The following FBRS variants were observed in gnomAD, a reference collection of about 807,000 sequenced individuals.
FBRS encodes probable fibrosin-1.
In FBRS, 15 loss-of-function variants were observed where a neutral mutation model predicts 86.1. That is an observed-to-expected ratio of 0.17 (90% CI 0.12 to 0.27). FBRS has a LOEUF of 0.27. Ranked by LOEUF, FBRS falls within the 10% of genes least tolerant of loss-of-function variation. The pLI is 1.00. For synonymous variants in FBRS, 666 were observed against 575.8 expected, an observed-to-expected ratio of 1.16 and a Z score of -2.24; for missense variants, 1,367 against 1,301.6, an observed-to-expected ratio of 1.05 and a Z score of -0.77.
intron 11 of FBRS, chr16:30,666,135 C>G (rs943393968): frequency 7.1e-6 from 3 of 422,734 alleles, no homozygotes; most frequent in African/African-American, 6.1e-5. Flanking sequence ...GGACCAGTTT[C>G]CTACAGGGAA....
chr16:30,666,211 G>T (rs751833899), intron 11 of FBRS: 7 of 564,144 alleles, frequency 1.2e-5, no homozygotes, highest in East Asian at 5.9e-5. Context: ...TAAACAGACC[G>T]CTATACTCTA....
rs771062195 is a variant in FBRS at position 30,665,694 on chromosome 16, G to C, written c.1761G>C (p.Gln587His). The change falls in exon 11 of 18, where the codon CAG becomes CAC. Residue 587 changes from glutamine (Q) to histidine (H), a missense_variant. Gln to His is a conservative substitution (Grantham distance 24). Transcript: ENST00000356166. This position sits in a 1 kb window ranked among gnomAD's most constrained non-coding sequence, Gnocchi z 4.1. ...GGCCGGTGCCGAGCGGGCTCTCCCA[G>C]AAGGGGACACAGGTGAGGGGGCCAG... ...RLGPVPSGLS[Q>H]KGTQIPDHFR... 2.8e-5 allele frequency: 45 copies of C among 1,584,472 alleles called. 1 individual carries two copies. The South Asian group carries it at 4.9e-4, about 17-fold the overall frequency.
chr16:30,662,339 C>T, intron 4 of FBRS, 81 bp from the exon 5 acceptor site: 5 of 1,542,826 alleles, frequency 3.2e-6, no homozygotes, highest in East Asian at 2.4e-5. Context: ...TTCCTAGCAG[C>T]CTCCAGAGGC....
chr16:30,662,539 T>C lies in FBRS; in HGVS notation c.755-20T>C. On this transcript the variant is annotated intron_variant, in intron 5 of 17. Coordinates refer to ENST00000356166, the MANE Select transcript of FBRS (RefSeq NM_001105079.3). ...TGAGCATGAGCCTCAACTGAGCATG[T>C]CTGCCATCCTGCCCCACAGCCTCGG... 1 of 1,548,564 alleles carries C rather than the reference T, an allele frequency of 6.5e-7. No individual in the cohort carries two copies. The highest frequency in any genetic ancestry group is 8.7e-7 in the Non-Finnish European group (1 of 1,145,514).
At position 30,669,168 on chromosome 16, in the gene FBRS, G is replaced by C; in HGVS notation, c.2466G>C (p.Arg822=). 1.3e-6 allele frequency: 2 copies of C among 1,555,892 alleles called. No individual in the cohort carries two copies. The highest frequency in any genetic ancestry group is 8.7e-7 in the Non-Finnish European group (1 of 1,150,534). Residue 822 remains arginine (R), a synonymous_variant, in exon 18 of 18, where the codon CGG becomes CGC. Transcript: ENST00000356166. The surrounding 1 kb of genome is among the most constrained non-coding windows in gnomAD (Gnocchi z 5.9). ...EGPRPTKESV[R]VKEERKEEAA... The stretch of plus-strand genomic sequence containing the variant: ...CTCGGCCAACCAAGGAATCTGTGCG[G>C]GTAAAGGAAGAGCGGAAGGAGGAGG...
chr16:30,666,360 TG>T, intron 11 of FBRS, 151 bp from the exon 12 acceptor site: 1 of 874,806 alleles, frequency 1.1e-6, no homozygotes. Context: ...CTGGGAGAGA[TG>T]GGGAAAGGAG....
Position 30,669,158 on chromosome 16 carries a change from A to C in FBRS, c.2456A>C (p.Glu819Ala). 6.4e-7 allele frequency: 1 copy of C among 1,561,338 alleles called. No individual in the cohort carries two copies. ...AGEEGPRPTKESVRVKEERKE... is the reference protein window; with the variant it reads ...AGEEGPRPTKASVRVKEERKE... ...GAGGAGGGGCCTCGGCCAACCAAGGAATCTGTGCGGGTAAAGGAAGAGCGG... is the reference window on the plus strand; with the variant it reads ...GAGGAGGGGCCTCGGCCAACCAAGGCATCTGTGCGGGTAAAGGAAGAGCGG... Residue 819 changes from glutamate (E) to alanine (A), a missense_variant, in exon 18 of 18, where the codon GAA becomes GCA. Around this residue, in one of 3 missense-constraint regions of FBRS, gnomAD observed 659 missense variants for 678.8 expected, o/e 0.97. Transcript: ENST00000356166. The surrounding 1 kb of genome is among the most constrained non-coding windows in gnomAD (Gnocchi z 5.9).
Position 30,661,300 on chromosome 16 carries a change from C to T in FBRS, c.676-4C>T, listed in dbSNP as rs954663301. On this transcript the variant is annotated splice_region_variant and splice_polypyrimidine_tract_variant and intron_variant, in intron 3 of 17. Coordinates refer to ENST00000356166, the MANE Select transcript of FBRS (RefSeq NM_001105079.3). The stretch of plus-strand genomic sequence containing the variant: ...GTGACACCTCTGTCTTTCCTTCTCC[C>T]CAGTGTGACGCGGAAAGTGATCTGG... 5.8e-6 allele frequency: 9 copies of T among 1,550,716 alleles called. No individual in the cohort carries two copies. Among genetic ancestry groups the T allele is most frequent in the South Asian group, 1.2e-5 (1 of 84,054 alleles).
In FBRS at chr16:30,668,943, G is replaced by C. The variant is rs200647927; in HGVS notation, c.2330G>C (p.Arg777Pro). 1.3e-6 allele frequency: 2 copies of C among 1,588,086 alleles called. No individual in the cohort carries two copies. Among genetic ancestry groups the C allele is most frequent in the Non-Finnish European group, 1.7e-6 (2 of 1,169,942 alleles). ...PGSDKERPVE[R>P]REPSITKEEK... is the part of the protein sequence containing the mutation. Reference sequence around the variant, plus strand: ...TCAGACAAGGAGCGGCCTGTGGAGCGGAGGGAGCCCTCCATCACCAAGGAG... The same window carrying C: ...TCAGACAAGGAGCGGCCTGTGGAGCCGAGGGAGCCCTCCATCACCAAGGAG... The change falls in exon 17 of 18, where the codon CGG (arginine) becomes CCG (proline). Residue 777 changes from arginine (R) to proline (P), a missense_variant. Arg to Pro is a moderately radical substitution (Grantham distance 103, BLOSUM62 -2). Around this residue, in one of 3 missense-constraint regions of FBRS, gnomAD observed 659 missense variants for 678.8 expected, o/e 0.97. Transcript: ENST00000356166.
At position 30,665,135 on chromosome 16, in the gene FBRS, C is replaced by CA; in HGVS notation, c.1608+57dup. On this transcript the variant is annotated intron_variant, in intron 9 of 17. Coordinates refer to ENST00000356166, the MANE Select transcript of FBRS (RefSeq NM_001105079.3). This position sits in a 1 kb window ranked among gnomAD's most constrained non-coding sequence, Gnocchi z 4.1. ...TGTGTGGTGTGGGCGTGGATGCATC[C>CA]ATGCTTGTGACCCTGACTGCTGGGG... is the stretch of plus-strand genomic sequence containing the variant. The CA allele has an allele frequency of 6.3e-7, 1 of 1,588,660 alleles. No individual in the cohort carries two copies. The highest frequency in any genetic ancestry group is 8.6e-7 in the Non-Finnish European group (1 of 1,168,286).
rs2052497888 is a variant in FBRS at position 30,664,444 on chromosome 16, A to ACCCTGC, written c.1289_1294dup (p.Leu430_Pro431dup). ...CCCCTCCTTGTTCTCCCCTGGCCCC[A>ACCCTGC]CCCTGCCCCCACCCCCACCCCTGCT... On this transcript the variant is annotated inframe_insertion, in exon 7 of 18. Coordinates refer to ENST00000356166, the MANE Select transcript of FBRS (RefSeq NM_001105079.3). 2.4e-6 allele frequency: 1 copy of ACCCTGC among 421,012 alleles called. No individual in the cohort carries two copies. The highest frequency in any genetic ancestry group is 9.0e-5 in the African/African-American group (1 of 11,070). 26.1% of individuals were successfully genotyped at this position (421,012 alleles called of 1,614,324 possible).
chr16:30,663,112 C>T lies in FBRS; in HGVS notation c.1055+253C>T, dbSNP rs2052480856. ...ACGTTTTTTCAGGCAGGCAAGTCTG[C>T]TCGGAATAGTGTTCTTTGGAACATA... On this transcript the variant is annotated intron_variant, in intron 6 of 17. Coordinates refer to ENST00000356166, the MANE Select transcript of FBRS (RefSeq NM_001105079.3). 9 of 539,364 alleles carry T rather than the reference C, an allele frequency of 1.7e-5. No homozygotes were observed. In the South Asian group the frequency reaches 2.7e-4, roughly 16 times the overall value. 33.4% of individuals were successfully genotyped at this position (539,364 alleles called of 1,614,324 possible). A position where few individuals can be genotyped will look rare whatever the true frequency, so the allele number is the denominator to read the frequency against.
chr16:30,664,866 C>A lies in FBRS; in HGVS notation c.1509C>A (p.His503Gln). 1 of 1,607,096 alleles carries A rather than the reference C, an allele frequency of 6.2e-7. No homozygotes were observed. ...HQHQHTHQHT[H>Q]QHFTPYPPGL... ...ACCAGCACACCCACCAGCACACCCACCAGCACTTCACCCCTTATCCCCCGG... is the reference window on the plus strand; with the variant it reads ...ACCAGCACACCCACCAGCACACCCAACAGCACTTCACCCCTTATCCCCCGG... Residue 503 changes from histidine (H) to glutamine (Q), a missense_variant, in exon 8 of 18, where the codon CAC (histidine) becomes CAA (glutamine). This residue lies in a region of FBRS where 6 missense variants were observed against 24.1 expected (regional missense o/e 0.25). Transcript: ENST00000356166.
chr16:30,661,087 C>T (rs2052454423), intron 2 of FBRS, 93 bp from the exon 3 acceptor site: 2 of 1,537,040 alleles, frequency 1.3e-6, no homozygotes, highest in East Asian at 4.9e-5. Context: ...GAGAGTAGAT[C>T]CTGGAGGCCC....
Position 30,658,879 on chromosome 16 carries a change from C to G in FBRS, c.-640C>G, listed in dbSNP as rs1284117772. ...ATTGAGAACTGTGCCGTTGGGAGAA[C>G]TGGGGCGAGTGGGGTTTTTCTTTAC... On this transcript the variant is annotated 5_prime_UTR_variant, in exon 1 of 18. Transcript: ENST00000356166. 1.3e-5 allele frequency: 2 copies of G among 152,190 alleles called. No homozygotes were observed. The highest frequency in any genetic ancestry group is 1.9e-4 in the East Asian group (1 of 5,188). The allele number at this position is 152,190 out of a possible 1,614,324, so 9.4% of individuals were successfully genotyped here.
chr16:30,661,031 G>A, intron 2 of FBRS, 149 bp from the exon 3 acceptor site: 2 of 1,255,828 alleles, frequency 1.6e-6, no homozygotes, highest in Non-Finnish European at 2.2e-6. Context: ...GAGAGCACTG[G>A]GACCCGGGTG....
Position 30,669,198 on chromosome 16 carries a change from C to CCGCTGCA in FBRS, c.2496_2497insCGCTGCA (p.Ala833ArgfsTer30). ...AGGAAGAGCGGAAGGAGGAGGCTGC[C>CCGCTGCA]GCCGCCGCTGCCGCTGCTGCTGCCG... On this transcript the variant is annotated frameshift_variant, in exon 18 of 18. Coordinates refer to ENST00000356166, the MANE Select transcript of FBRS (RefSeq NM_001105079.3). LOFTEE classifies it high-confidence loss of function. This position sits in a 1 kb window ranked among gnomAD's most constrained non-coding sequence, Gnocchi z 5.9. The CCGCTGCA allele has an allele frequency of 6.5e-7, 1 of 1,545,524 alleles. No homozygotes were observed. Among genetic ancestry groups the CCGCTGCA allele is most frequent in the Non-Finnish European group, 8.7e-7 (1 of 1,144,198 alleles).
chr16:30,664,196 T>G lies in FBRS; in HGVS notation c.1056-19T>G. Reference sequence around the variant, plus strand: ...GGCACCTCCCAACCCCTCACTCATCTCCCCACTTCTCTCCCCAGCTCTTCA... The same window carrying G: ...GGCACCTCCCAACCCCTCACTCATCGCCCCACTTCTCTCCCCAGCTCTTCA... On this transcript the variant is annotated intron_variant, in intron 6 of 17. Coordinates refer to ENST00000356166, the MANE Select transcript of FBRS (RefSeq NM_001105079.3). The G allele has an allele frequency of 7.9e-7, 1 of 1,267,224 alleles. No individual in the cohort carries two copies. Among genetic ancestry groups the G allele is most frequent in the Non-Finnish European group, 1.0e-6 (1 of 998,920 alleles). The allele number at this position is 1,267,224 out of a possible 1,614,324, so 78.5% of individuals were successfully genotyped here.
At chr16:30,667,927 A>C (rs1483626406) in intron 15 of FBRS, 3 of 351,740 alleles carry the variant, frequency 8.5e-6, no homozygotes, top group Admixed American at 9.1e-5. Context: ...GAGCATGGCC[A>C]CTGACTCCTA....
Sources: allele counts gnomAD v4.1 joint callset, GRCh38; gene constraint gnomAD v4.1.1; regional missense constraint gnomAD v4.1.1; non-coding constraint Gnocchi (gnomAD v3.1); transcripts MANE v1.5; gene names NCBI Gene and HGNC (gene_info 2026-07-23, HGNC 2026-07-21).